The following THOC7 variants were observed in gnomAD, a reference collection of about 807,000 sequenced individuals.
The protein encoded by THOC7 is NIF3L1-binding protein 1.
THOC7 carries 22 observed loss-of-function variants against 33.1 expected under a neutral mutation model. The ratio of observed to expected loss-of-function variants is 0.66; its 90% CI spans 0.47 to 0.95. The LOEUF (loss-of-function observed/expected upper bound fraction) is 0.95, where lower values mean the gene tolerates loss of function less well. Among genes scored for constraint, THOC7 ranks in the 40% least tolerant of loss-of-function variants. The probability of loss-of-function intolerance (pLI) is 0.00; values close to 1 mark genes in which losing one functional copy is unlikely to be tolerated. For missense variants in THOC7, 184 were observed against 245.3 expected, an observed-to-expected ratio of 0.75 and a Z score of 1.67; for synonymous variants, 77 against 76.8, an observed-to-expected ratio of 1.00 and a Z score of -0.01.
chr3:63,843,976 T>A lies in THOC7; in HGVS notation c.20-4203A>T, dbSNP rs537912537. 5.3e-5 allele frequency among the ~76,000 whole-genome samples: 8 copies of A among 152,132 alleles called. No homozygotes were observed. In the East Asian group the frequency reaches 5.8e-4, roughly 11 times the overall value. ...ATGTGTTACACACACAAATATGTGT[T>A]ACACATACACATACATACATAAACA... is the stretch of plus-strand genomic sequence containing the variant. On this transcript the variant is annotated intron_variant, in intron 1 of 7. Coordinates refer to ENST00000295899, the MANE Select transcript of THOC7 (RefSeq NM_025075.4).
At chr3:63,852,712 A>G (rs1233946594) in intron 1 of THOC7, among the ~76,000 whole-genome samples, 1 of 152,216 alleles carries the variant, frequency 6.6e-6, no homozygotes, top group African/African-American at 2.4e-5. Flanking sequence ...GAGTTGCTAA[A>G]GATTCATGGG....
Position 63,839,720 on chromosome 3 carries a change from G to C in THOC7, c.73C>G (p.Arg25Gly). The C allele has an allele frequency of 6.2e-7, 1 of 1,613,012 alleles. No homozygotes were observed. The highest frequency in any genetic ancestry group is 1.1e-5 in the South Asian group (1 of 91,018). ...CTCTTCACTAGCAGATTAATTCTCC[G>C]ATCATCTCCAGCACCATCTCCATCA... ...LIDGDGAGDD[R>G]RINLLVKSFI... Residue 25 changes from arginine to glycine, a missense_variant, in exon 2 of 8, where the codon CGG (arginine) becomes GGG (glycine). Around this residue, in one of 3 missense-constraint regions of THOC7, gnomAD observed 157 missense variants for 201.3 expected, o/e 0.78. Coordinates refer to ENST00000295899, the MANE Select transcript of THOC7 (RefSeq NM_025075.4).
At chr3:63,855,286 T>G (rs200284112) in intron 1 of THOC7, among the ~76,000 whole-genome samples, 1 of 112,746 alleles carries the variant, frequency 8.9e-6, no homozygotes, top group Non-Finnish European at 1.9e-5. Flanking sequence ...CAAAATATCT[T>G]TCAAAATCAG....
chr3:63,857,129 C>G (rs940452989), intron 1 of THOC7, among the ~76,000 whole-genome samples: 7 of 152,038 alleles, frequency 4.6e-5, no homozygotes, highest in Admixed American at 4.6e-4. Flanking sequence ...GAGTCAGGCT[C>G]CAGAGAAGAT....
In THOC7 at chr3:63,834,088, G is replaced by T; in HGVS notation, c.*44C>A. ...CACATTTTAAACACATTATGGTCAT[G>T]TAGCTATTTCAATATTCCTGGGAGT... On this transcript the variant is annotated 3_prime_UTR_variant, in exon 8 of 8. Coordinates refer to ENST00000295899, the MANE Select transcript of THOC7 (RefSeq NM_025075.4). 1 of 1,593,220 alleles carries T rather than the reference G, an allele frequency of 6.3e-7. No homozygotes were observed.
In THOC7 at chr3:63,859,432, G is replaced by A. The variant is rs552617927; in HGVS notation, c.19+4340C>T. ...CAGTCCTGTCCCTAGATCCAGCCCA[G>A]TGGCTTTCCTTATTTCCTCTAAAGG... On this transcript the variant is annotated intron_variant, in intron 1 of 7. Transcript: ENST00000295899. Among the ~76,000 whole-genome samples, 4 of 152,312 alleles carry A rather than the reference G, an allele frequency of 2.6e-5. No individual in the cohort carries two copies. The South Asian group carries it at 8.3e-4, about 32-fold the overall frequency.
At chr3:63,835,512 T>C in intron 5 of THOC7, 122 bp from the exon 6 acceptor site, 2 of 743,726 alleles carry the variant, frequency 2.7e-6, no homozygotes, top group East Asian at 2.7e-5. Context: ...TAAGGAGTTA[T>C]AACACTCCAT....
chr3:63,854,789 A>T (rs1702080352), intron 1 of THOC7: 1 of 152,142 alleles, frequency 6.6e-6, no homozygotes, highest in South Asian at 2.1e-4. Context: ...CGGGCGGATC[A>T]CGAGGTCAGG....
intron 1 of THOC7, among the ~76,000 whole-genome samples, chr3:63,851,076 C>T (rs1344035069): frequency 6.6e-6 from 1 of 152,166 alleles, no homozygotes; most frequent in Non-Finnish European, 1.5e-5. Flanking sequence ...GGAATCCTGG[C>T]TAAGGAGAAA....
At chr3:63,847,204 T>C (rs1379383295) in intron 1 of THOC7, among the ~76,000 whole-genome samples, 1 of 152,158 alleles carries the variant, frequency 6.6e-6, no homozygotes, top group African/African-American at 2.4e-5. Context: ...ATAAAAAAAG[T>C]TCCTATAAAT....
Position 63,857,520 on chromosome 3 carries a change from T to G in THOC7, c.19+6252A>C, listed in dbSNP as rs758589992. On this transcript the variant is annotated intron_variant, in intron 1 of 7. Transcript: ENST00000295899. ...ACCACCACAGCTCATGTTATTAAGATGAATCACACATATTAGCCCATTGTG... is the reference window on the plus strand; with the variant it reads ...ACCACCACAGCTCATGTTATTAAGAGGAATCACACATATTAGCCCATTGTG... Among the ~76,000 whole-genome samples the G allele has an allele frequency of 2.4e-4, 36 of 152,222 alleles. 1 individual carries two copies. The highest frequency in any genetic ancestry group is 1.5e-5 in the Non-Finnish European group (1 of 68,040).
chr3:63,837,730 G>GA (rs1012841240), intron 4 of THOC7, among the ~76,000 whole-genome samples: 2 of 148,508 alleles, frequency 1.3e-5, no homozygotes, highest in Admixed American at 6.7e-5. Flanking sequence ...ACTGGGATAA[G>GA]AAAAAAAAAG....
intron 1 of THOC7, chr3:63,846,360 C>T: frequency 1.6e-5 from 4 of 244,918 alleles, no homozygotes; most frequent in Middle Eastern, 4.5e-4. Context: ...AGAAAAATTT[C>T]ACAAGTTTTC....
Position 63,857,518 on chromosome 3 carries a change from G to C in THOC7, c.19+6254C>G, listed in dbSNP as rs945534034. ...AGACCACCACAGCTCATGTTATTAA[G>C]ATGAATCACACATATTAGCCCATTG... On this transcript the variant is annotated intron_variant, in intron 1 of 7. Coordinates refer to ENST00000295899, the MANE Select transcript of THOC7 (RefSeq NM_025075.4). Among the ~76,000 whole-genome samples, 5 of 152,290 alleles carry C rather than the reference G, an allele frequency of 3.3e-5. 1 individual carries two copies. The South Asian group carries it at 1.0e-3, about 32-fold the overall frequency.
chr3:63,839,121 C>T (rs538978090), intron 2 of THOC7, among the ~76,000 whole-genome samples: 1 of 152,000 alleles, frequency 6.6e-6, no homozygotes, highest in East Asian at 1.9e-4. Context: ...ACCTGGGGGG[C>T]GGAGGTTGCA....
rs1341113717 is a variant in THOC7, at chr3:63,838,497, T to A, written c.140A>T (p.Tyr47Phe). 6.3e-7 allele frequency: 1 copy of A among 1,584,744 alleles called. No homozygotes were observed. The highest frequency in any genetic ancestry group is 8.5e-7 in the Non-Finnish European group (1 of 1,172,504). Reference sequence around the variant, plus strand: ...GCTCAGCATACGTTGGTACTGGCTATATCTAATGAAAAAGAAAGAAAACCA... The same window carrying A: ...GCTCAGCATACGTTGGTACTGGCTAAATCTAATGAAAAAGAAAGAAAACCA... ...WCNSGSQEEG[Y>F]SQYQRMLSTL... Residue 47 changes from tyrosine (Y) to phenylalanine (F), a missense_variant and splice_region_variant, in exon 3 of 8, where the codon TAT (tyrosine) becomes TTT (phenylalanine). This residue lies in a region of THOC7 where 157 missense variants were observed against 201.3 expected (regional missense o/e 0.78). Coordinates refer to ENST00000295899, the MANE Select transcript of THOC7 (RefSeq NM_025075.4).
At chr3:63,853,780 C>T (rs1003809949) in intron 1 of THOC7, among the ~76,000 whole-genome samples, 1 of 151,546 alleles carries the variant, frequency 6.6e-6, no homozygotes, top group African/African-American at 2.4e-5. Flanking sequence ...TAGTGGCGGG[C>T]GCCTGTAGTC....
chr3:63,841,849 G>C (rs1242446887), intron 1 of THOC7, among the ~76,000 whole-genome samples: 2 of 152,128 alleles, frequency 1.3e-5, no homozygotes, highest in Non-Finnish European at 2.9e-5. Context: ...AGCATCTAGT[G>C]GGTGAATCTG....
intron 5 of THOC7, 110 bp from the exon 6 acceptor site, chr3:63,835,500 T>C: frequency 1.1e-6 from 1 of 891,422 alleles, no homozygotes; most frequent in South Asian, 1.7e-5. Flanking sequence ...AAAAAGGGCT[T>C]ATAAGGAGTT....
Sources: gnomAD v4.1 joint callset for allele counts (sites outside exome capture counted in the v4.1 genomes callset) on GRCh38, gnomAD v4.1.1 for gene constraint, gnomAD v4.1.1 regional missense constraint, MANE v1.5 for transcripts, NCBI Gene and HGNC (gene_info 2026-07-23, HGNC 2026-07-21) for gene names.